PRMT3: variants seen among roughly 807,000 people sequenced by gnomAD.
PRMT3 encodes the protein protein arginine N-methyltransferase 3.
In PRMT3, 62 loss-of-function variants were observed where a neutral mutation model predicts 71.9. The observed-to-expected ratio is 0.86, with a 90% confidence interval of 0.70 to 1.07. The LOEUF (loss-of-function observed/expected upper bound fraction) is 1.07, where lower values mean the gene tolerates loss of function less well. Ranked by LOEUF, PRMT3 falls within the 50% of genes least tolerant of loss-of-function variation. PRMT3 has a pLI of 0.00. For synonymous variants in PRMT3, 213 were observed against 220.4 expected (o/e 0.97, Z 0.30); for missense variants, 663 against 643.0 (o/e 1.03, Z -0.34).
chr11:20,473,025 T>C (rs1344303536), intron 13 of PRMT3, among the ~76,000 whole-genome samples: 1 of 152,218 alleles, frequency 6.6e-6, no homozygotes, highest in Non-Finnish European at 1.5e-5. Flanking sequence ...TTTTCTAGTT[T>C]ATATACAGGT....
chr11:20,408,629 C>G lies in PRMT3; in HGVS notation c.893+597C>G, dbSNP rs368426783. On this transcript the variant is annotated intron_variant, in intron 9 of 15. Transcript: ENST00000331079. ...GTTGGCTTATACCCTAGTGAGAAGG[C>G]CTTTATTTGAAATCCAGCTGACACA... is the stretch of plus-strand genomic sequence containing the variant. 3.0e-4 allele frequency among the ~76,000 whole-genome samples: 45 copies of G among 152,222 alleles called. No homozygotes were observed. In the East Asian group the frequency reaches 8.5e-3, roughly 29 times the overall value.
intron 15 of PRMT3, among the ~76,000 whole-genome samples, chr11:20,497,400 C>A (rs1222153685): frequency 6.6e-6 from 1 of 152,028 alleles, no homozygotes; most frequent in Admixed American, 6.6e-5. Flanking sequence ...CAATGTATCA[C>A]AAAATATTAG....
intron 13 of PRMT3, 131 bp from the exon 14 acceptor site, chr11:20,493,788 A>G: frequency 1.6e-6 from 1 of 635,308 alleles, no homozygotes; most frequent in Non-Finnish European, 2.7e-6. Context: ...TTTCCAGGAA[A>G]AATATTGAGT....
intron 15 of PRMT3, among the ~76,000 whole-genome samples, chr11:20,507,346 A>G (rs1851614751): frequency 6.6e-6 from 1 of 152,216 alleles, no homozygotes; most frequent in Admixed American, 6.5e-5. Flanking sequence ...CTAGATGCCC[A>G]GAACCCACCA....
chr11:20,415,313 G>A (rs1295113381), intron 9 of PRMT3, among the ~76,000 whole-genome samples: 1 of 151,968 alleles, frequency 6.6e-6, no homozygotes, highest in Non-Finnish European at 1.5e-5. Context: ...AGTATACCCC[G>A]AAATCCCCTT....
At chr11:20,451,493 T>G (rs1850147426) in intron 10 of PRMT3, among the ~76,000 whole-genome samples, 1 of 151,202 alleles carries the variant, frequency 6.6e-6, no homozygotes. Flanking sequence ...CTTTCTTTTT[T>G]GTTTTTTTTT....
intron 10 of PRMT3, among the ~76,000 whole-genome samples, chr11:20,440,565 G>T (rs1264176107): frequency 1.4e-5 from 2 of 146,614 alleles, no homozygotes; most frequent in African/African-American, 5.0e-5. Flanking sequence ...GTCATAAAAA[G>T]ACACATTTAA....
chr11:20,447,380 G>A (rs755940188), intron 10 of PRMT3, among the ~76,000 whole-genome samples: 60 of 151,960 alleles, frequency 3.9e-4, no homozygotes, highest in Non-Finnish European at 8.1e-4. Flanking sequence ...GTAGAGCCCA[G>A]GAATGCTGCT....
chr11:20,444,575 TATTA>T (rs1172775336), intron 10 of PRMT3, among the ~76,000 whole-genome samples: 2 of 152,208 alleles, frequency 1.3e-5, no homozygotes, highest in African/African-American at 4.8e-5. Context: ...GTCTTTCTGT[TATTA>T]ATTTCTAATT....
intron 9 of PRMT3, among the ~76,000 whole-genome samples, chr11:20,424,529 G>GA (rs1565206566): frequency 2.0e-5 from 3 of 152,072 alleles, no homozygotes; most frequent in South Asian, 4.1e-4. Flanking sequence ...TGATATGGGG[G>GA]AAAAATGAAC....
chr11:20,416,826 G>C (rs188983351), intron 9 of PRMT3, among the ~76,000 whole-genome samples: 1 of 152,054 alleles, frequency 6.6e-6, no homozygotes, highest in Non-Finnish European at 1.5e-5. Context: ...TTGGTAGTTC[G>C]TTTCTCATGG....
intron 9 of PRMT3, among the ~76,000 whole-genome samples, chr11:20,425,873 T>C (rs10741838): frequency 0.79 from 120,214 of 152,138 alleles, 49,911 homozygotes; most frequent in Non-Finnish European, 0.93. Flanking sequence ...ATGAATGCAC[T>C]GAATTGTTTG....
intron 10 of PRMT3, among the ~76,000 whole-genome samples, chr11:20,441,328 T>G (rs1229307268): frequency 1.3e-5 from 2 of 150,756 alleles, no homozygotes; most frequent in Non-Finnish European, 3.0e-5. Context: ...TATTTTGAGA[T>G]GGAGTCTCGC....
chr11:20,477,198 T>C (rs1213791665), intron 13 of PRMT3, among the ~76,000 whole-genome samples: 2 of 152,212 alleles, frequency 1.3e-5, no homozygotes, highest in African/African-American at 4.8e-5. Flanking sequence ...AGCAGGTCTT[T>C]CAGTGTGTGC....
chr11:20,491,399 C>G (rs1851202930), intron 13 of PRMT3, among the ~76,000 whole-genome samples: 1 of 149,272 alleles, frequency 6.7e-6, no homozygotes, highest in African/African-American at 2.6e-5. Context: ...GAGATTGCAC[C>G]TTAGATGTTG....
intron 9 of PRMT3, among the ~76,000 whole-genome samples, chr11:20,416,226 T>G (rs1849301571): frequency 6.6e-6 from 1 of 152,138 alleles, no homozygotes; most frequent in African/African-American, 2.4e-5. Context: ...CACTTAATTC[T>G]CCTCTATTTT....
intron 9 of PRMT3, among the ~76,000 whole-genome samples, chr11:20,414,862 C>A (rs80141633): frequency 1.6e-3 from 249 of 152,180 alleles, no homozygotes; most frequent in African/African-American, 5.7e-3. Flanking sequence ...TGCAGGTGTC[C>A]TTCTCTAGAC....
chr11:20,403,058 A>C (rs1848985224), intron 8 of PRMT3, 74 bp downstream of exon 8: 1 of 1,084,898 alleles, frequency 9.2e-7, no homozygotes, highest in Non-Finnish European at 1.4e-6. Context: ...TTGGCTCATC[A>C]TTGTGATAGC....
At chr11:20,436,272 T>A (rs1031301368) in intron 10 of PRMT3, among the ~76,000 whole-genome samples, 1 of 152,224 alleles carries the variant, frequency 6.6e-6, no homozygotes, top group Non-Finnish European at 1.5e-5. Flanking sequence ...TTCTTTCCAA[T>A]TTGGATGTCC....
Sources: allele counts gnomAD v4.1 joint callset (sites outside exome capture counted in the v4.1 genomes callset), GRCh38; gene constraint gnomAD v4.1.1; transcripts MANE v1.5; gene names NCBI Gene and HGNC (gene_info 2026-07-23, HGNC 2026-07-21).